DNAJC12: variants seen among roughly 807,000 people sequenced by gnomAD.
DNAJC12 encodes the protein DnaJ heat shock protein family (Hsp40) member C12, also known as dnaJ homolog subfamily C member 12.
DNAJC12 carries 25 observed loss-of-function variants against 28.5 expected under a neutral mutation model. The observed-to-expected ratio is 0.88, with a 90% CI of 0.64 to 1.22. The LOEUF (loss-of-function observed/expected upper bound fraction) is 1.22, where lower values mean the gene tolerates loss of function less well. Among genes scored for constraint, DNAJC12 ranks in the 50% most tolerant of loss-of-function variants. The pLI is 0.00. For missense variants in DNAJC12, 222 were observed against 231.7 expected, an observed-to-expected ratio of 0.96 and a Z score of 0.27; for synonymous variants, 77 against 80.6, an observed-to-expected ratio of 0.95 and a Z score of 0.24.
At chr10:67,823,217 G>A (rs1841997286) in intron 2 of DNAJC12, 97 bp downstream of exon 2, 1 of 988,214 alleles carries the variant, frequency 1.0e-6, no homozygotes, top group African/African-American at 1.6e-5. Flanking sequence ...GAGCATAATA[G>A]ACAAGAGAAA....
intron 2 of DNAJC12, among the ~76,000 whole-genome samples, chr10:67,816,489 G>A (rs988724629): frequency 6.7e-6 from 1 of 150,098 alleles, no homozygotes; most frequent in Non-Finnish European, 1.5e-5. Context: ...CTTGAAGTTT[G>A]CACATCAGTA....
At chr10:67,824,587 T>A (rs932814953) in intron 1 of DNAJC12, among the ~76,000 whole-genome samples, 1 of 152,102 alleles carries the variant, frequency 6.6e-6, no homozygotes, top group Non-Finnish European at 1.5e-5. Context: ...TTTGATTTGA[T>A]TTCACTTACC....
chr10:67,817,256 A>G (rs540155043), intron 2 of DNAJC12, among the ~76,000 whole-genome samples: 1 of 152,238 alleles, frequency 6.6e-6, no homozygotes, highest in South Asian at 2.1e-4. Context: ...GTAATATACT[A>G]CTAGTCTACC....
chr10:67,819,799 A>G, intron 2 of DNAJC12, among the ~76,000 whole-genome samples: 2 of 149,948 alleles, frequency 1.3e-5, no homozygotes, highest in African/African-American at 2.5e-5. Context: ...GAAGGAAGGA[A>G]GGAAGGAAGG....
chr10:67,807,684 T>C (rs530348639), intron 3 of DNAJC12, among the ~76,000 whole-genome samples: 4 of 152,318 alleles, frequency 2.6e-5, no homozygotes, highest in African/African-American at 9.6e-5. Context: ...ATGTAAACTG[T>C]GAGCTTCACA....
intron 4 of DNAJC12, among the ~76,000 whole-genome samples, chr10:67,802,943 C>T (rs958551950): frequency 6.6e-6 from 1 of 151,142 alleles, no homozygotes; most frequent in Non-Finnish European, 1.5e-5. Flanking sequence ...CTCAACATCC[C>T]CCCCCACACA....
chr10:67,811,819 T>A (rs1434649875), intron 2 of DNAJC12, among the ~76,000 whole-genome samples, 156 bp from the exon 3 acceptor site: 1 of 152,158 alleles, frequency 6.6e-6, no homozygotes, highest in East Asian at 1.9e-4. Flanking sequence ...AAGGGTATCA[T>A]AAGGACAAGC....
At chr10:67,808,195 G>A (rs2131794622) in intron 3 of DNAJC12, among the ~76,000 whole-genome samples, 1 of 152,230 alleles carries the variant, frequency 6.6e-6, no homozygotes, top group Middle Eastern at 3.4e-3. Context: ...AGTAGAATCA[G>A]CATCAATAAA....
Position 67,805,736 on chromosome 10 carries a change from C to T in DNAJC12, c.349G>A (p.Asp117Asn). 1 of 1,611,032 alleles carries T rather than the reference C, an allele frequency of 6.2e-7. No homozygotes were observed. The highest frequency in any genetic ancestry group is 8.5e-7 in the Non-Finnish European group (1 of 1,179,168). The change falls in exon 4 of 5, where the codon GAC becomes AAC. Residue 117 changes from aspartate (D) to asparagine (N), a missense_variant. By Grantham distance (23) the Asp-to-Asn change is conservative. Transcript: ENST00000225171. ...GKKDLMLEES[D>N]KTHTTKMENE... ...TCCATCTTGGTGGTATGAGTCTTGT[C>T]AGATTCTTCCAGCATCAGGTCTTTT...
intron 4 of DNAJC12, among the ~76,000 whole-genome samples, chr10:67,800,221 CAAAAAAA>C (rs56039954): frequency 5.9e-5 from 5 of 84,638 alleles, no homozygotes; most frequent in Admixed American, 1.4e-4. Flanking sequence ...GACTCTATCT[CAAAAAAA>C]AAAAAAAAAA....
chr10:67,830,217 A>G (rs2131814389), intron 1 of DNAJC12, among the ~76,000 whole-genome samples: 1 of 152,282 alleles, frequency 6.6e-6, no homozygotes, highest in African/African-American at 2.4e-5. Flanking sequence ...AGGCTGAGAC[A>G]CAAGAATCGC....
At chr10:67,807,544 T>C (rs1244198699) in intron 3 of DNAJC12, among the ~76,000 whole-genome samples, 2 of 152,330 alleles carry the variant, frequency 1.3e-5, no homozygotes, top group African/African-American at 4.8e-5. Flanking sequence ...TGTTTTGGTT[T>C]GGTTTTTGCA....
chr10:67,823,204 G>T, intron 2 of DNAJC12, 110 bp downstream of exon 2: 2 of 858,792 alleles, frequency 2.3e-6, no homozygotes, highest in Non-Finnish European at 1.9e-6. Context: ...AAAGAATACG[G>T]TTGAGCATAA....
chr10:67,813,593 C>CA (rs367637580), intron 2 of DNAJC12, among the ~76,000 whole-genome samples: 9,991 of 124,234 alleles, frequency 0.08, 835 homozygotes, highest in East Asian at 0.45. Context: ...ACTAAAAATA[C>CA]AAAAAAAAAA....
intron 2 of DNAJC12, among the ~76,000 whole-genome samples, chr10:67,812,864 C>CA (rs1160793588): frequency 7.0e-6 from 1 of 143,576 alleles, no homozygotes; most frequent in Non-Finnish European, 1.5e-5. Context: ...AAAAAAAAAA[C>CA]AAAAAAAAGT....
chr10:67,829,257 T>C (rs1842067512), intron 1 of DNAJC12, among the ~76,000 whole-genome samples: 1 of 152,014 alleles, frequency 6.6e-6, no homozygotes, highest in South Asian at 2.1e-4. Flanking sequence ...TGATAAACTC[T>C]CCCACCCTGA....
intron 2 of DNAJC12, among the ~76,000 whole-genome samples, chr10:67,814,788 T>C (rs1215554155): frequency 1.3e-5 from 2 of 152,094 alleles, no homozygotes; most frequent in Non-Finnish European, 2.9e-5. Flanking sequence ...CTTCAGGAAA[T>C]ACAAATCAAA....
At chr10:67,816,960 G>C (rs1385261231) in intron 2 of DNAJC12, among the ~76,000 whole-genome samples, 1 of 152,064 alleles carries the variant, frequency 6.6e-6, no homozygotes, top group African/African-American at 2.4e-5. Flanking sequence ...CTGGGGCTCA[G>C]TGACACTATT....
chr10:67,834,394 A>C (rs1229886245), intron 1 of DNAJC12, among the ~76,000 whole-genome samples: 4 of 152,224 alleles, frequency 2.6e-5, no homozygotes, highest in Non-Finnish European at 5.9e-5. Flanking sequence ...GTGGGGGCCA[A>C]AACAACAGCC....
Sources: allele counts gnomAD v4.1 joint callset (sites outside exome capture counted in the v4.1 genomes callset), GRCh38; gene constraint gnomAD v4.1.1; transcripts MANE v1.5; gene names NCBI Gene and HGNC (gene_info 2026-07-23, HGNC 2026-07-21).